Variants in MCF2 observed in about 807,000 individuals in gnomAD.
MCF2 encodes the protein proto-oncogene DBL.
Under a neutral mutation model 82.5 loss-of-function variants are expected in MCF2, and 44 were observed. The ratio of observed to expected loss-of-function variants is 0.53; its 90% CI spans 0.42 to 0.69. The LOEUF (loss-of-function observed/expected upper bound fraction) is 0.69. Among genes scored for constraint, MCF2 ranks in the 30% least tolerant of loss-of-function variants. The pLI is 0.00. For missense variants in MCF2, 623 were observed against 663.1 expected, an observed-to-expected ratio of 0.94 and a Z score of 0.66; for synonymous variants, 217 against 224.9, an observed-to-expected ratio of 0.96 and a Z score of 0.32.
chrX:139,613,894 T>C (rs1035596533), intron 10 of MCF2, among the ~76,000 whole-genome samples: 1 of 111,535 alleles, frequency 9.0e-6, no homozygotes, highest in African/African-American at 3.3e-5. Context: ...GTAACTTTCA[T>C]AATCTTAGCC....
At chrX:139,669,847 T>C (rs773747922) in intron 1 of MCF2, among the ~76,000 whole-genome samples, 1 of 111,588 alleles carries the variant, frequency 9.0e-6, no homozygotes, top group Non-Finnish European at 1.9e-5. Context: ...AGAATAAGCA[T>C]AGAGAGAAAG....
At chrX:139,602,596 A>C (rs1930652143) in intron 15 of MCF2, 98 bp from the exon 20 acceptor site, 2 of 567,169 alleles carry the variant, frequency 3.5e-6, no homozygotes, top group Admixed American at 2.9e-5. Flanking sequence ...CATCCTAGGA[A>C]ATGTGGCCTA....
At chrX:139,588,719 TG>T (rs1400983924) in intron 20 of MCF2, among the ~76,000 whole-genome samples, 1 of 109,454 alleles carries the variant, frequency 9.1e-6, no homozygotes, top group Non-Finnish European at 1.9e-5. Context: ...GAGACCAGCC[TG>T]GGGAACATAG....
intron 1 of MCF2, among the ~76,000 whole-genome samples, chrX:139,664,508 A>G (rs376920178): frequency 9.0e-6 from 1 of 111,191 alleles, no homozygotes; most frequent in African/African-American, 3.3e-5. Context: ...TTAAGGCCCA[A>G]GGGATCTTTA....
In MCF2 at chrX:139,680,024, G is replaced by A. The variant is rs957626010; in HGVS notation, c.-45+28082C>T. ...TTTTTGTAAACATCAATATTTACAC[G>A]TATATGTGCATTCATATAGTGTGCA... On this transcript the variant is annotated intron_variant, in intron 1 of 27. Coordinates refer to the MCF2 transcript ENST00000414978. Among the ~76,000 whole-genome samples the A allele has an allele frequency of 7.1e-5, 8 of 112,074 alleles. No individual in the cohort carries two copies. In the East Asian group the frequency reaches 1.1e-3, roughly 16 times the overall value.
intron 2 of MCF2, among the ~76,000 whole-genome samples, chrX:139,631,960 G>T (rs73634057): frequency 0.01 from 1,150 of 111,308 alleles, 17 homozygotes; most frequent in African/African-American, 0.035. Flanking sequence ...CTCTGGACTA[G>T]CTCAGGATGT....
intron 1 of MCF2, among the ~76,000 whole-genome samples, chrX:139,706,584 TA>T (rs113429504): frequency 4.2e-4 from 42 of 98,833 alleles, no homozygotes; most frequent in South Asian, 1.4e-3. Flanking sequence ...GTGGGGAGGA[TA>T]AAAAAAAAAA....
chrX:139,594,307 G>T (rs1248329564), intron 19 of MCF2, among the ~76,000 whole-genome samples: 1 of 110,998 alleles, frequency 9.0e-6, no homozygotes, highest in Non-Finnish European at 1.9e-5. Context: ...GAGGCATCAC[G>T]CTACCTGACT....
At chrX:139,700,197 A>G (rs1317220120) in intron 1 of MCF2, among the ~76,000 whole-genome samples, 2 of 111,355 alleles carry the variant, frequency 1.8e-5, no homozygotes, top group African/African-American at 6.5e-5. Context: ...CCCAATTTCC[A>G]ACGTTTTCCC....
chrX:139,672,892 AC>A (rs1177391375), intron 1 of MCF2, among the ~76,000 whole-genome samples: 2 of 111,874 alleles, frequency 1.8e-5, no homozygotes, highest in Admixed American at 1.9e-4. Flanking sequence ...AAGGAATAGT[AC>A]CAGCTCCTCC....
At chrX:139,594,240 G>A (rs1929821907) in intron 19 of MCF2, among the ~76,000 whole-genome samples, 1 of 109,766 alleles carries the variant, frequency 9.1e-6, no homozygotes, top group East Asian at 2.9e-4. Context: ...AAGTTCATAT[G>A]GAACCAAAAA....
chrX:139,629,730 G>A, exon 4 of MCF2: 1 of 1,207,780 alleles, frequency 8.3e-7, no homozygotes, highest in African/African-American at 1.7e-5. Context: ...CGAATTGCCA[G>A]AATTTCTTCT....
intron 12 of MCF2, chrX:139,607,344 TAC>T (rs1286180918): frequency 9.6e-5 from 12 of 124,498 alleles, no homozygotes; most frequent in African/African-American, 3.5e-4. Context: ...TTATACATTG[TAC>T]ACATGTATCA....
chrX:139,624,973 T>G (rs766724235), intron 6 of MCF2, among the ~76,000 whole-genome samples: 1 of 110,827 alleles, frequency 9.0e-6, no homozygotes, highest in South Asian at 3.9e-4. Context: ...GCAAATGGAG[T>G]AAAATATTGT....
chrX:139,663,983 CT>C (rs1167788221), intron 1 of MCF2, among the ~76,000 whole-genome samples: 4 of 108,998 alleles, frequency 3.7e-5, no homozygotes, highest in African/African-American at 1.0e-4. Context: ...TTTGGGGTGG[CT>C]TTTTTTTGTT....
chrX:139,690,629 A>T (rs1225189551), intron 1 of MCF2, among the ~76,000 whole-genome samples: 1 of 111,355 alleles, frequency 9.0e-6, no homozygotes, highest in Non-Finnish European at 1.9e-5. Context: ...CCTTGAATTA[A>T]TTCCTCTGGT....
intron 1 of MCF2, among the ~76,000 whole-genome samples, chrX:139,657,844 A>C (rs1323796228): frequency 9.0e-6 from 1 of 111,425 alleles, no homozygotes; most frequent in Non-Finnish European, 1.9e-5. Flanking sequence ...AGCTAGAAAG[A>C]CTCCATATGA....
At chrX:139,707,012 A>G (rs1935603239) in intron 1 of MCF2, among the ~76,000 whole-genome samples, 1 of 110,624 alleles carries the variant, frequency 9.0e-6, no homozygotes, top group Non-Finnish European at 1.9e-5. Flanking sequence ...TCTAGGAAAT[A>G]ATGATCCGAT....
intron 1 of MCF2, among the ~76,000 whole-genome samples, chrX:139,665,928 C>T (rs200201349): frequency 0.054 from 3,006 of 55,822 alleles, 78 homozygotes; most frequent in Admixed American, 0.12. Context: ...TATATATATA[C>T]ACACACACAC....
Sources: allele counts gnomAD v4.1 joint callset (sites outside exome capture counted in the v4.1 genomes callset), GRCh38; gene constraint gnomAD v4.1.1; transcripts MANE v1.5; gene names NCBI Gene and HGNC (gene_info 2026-07-23, HGNC 2026-07-21).